WASF3: variants seen among roughly 807,000 people sequenced by gnomAD.
WASF3 encodes the protein WASP family member 3.
In WASF3, 11 loss-of-function variants were observed where a neutral mutation model predicts 46.6. The observed-to-expected ratio is 0.24, with a 90% CI of 0.15 to 0.39. WASF3 has a LOEUF of 0.39. Among genes scored for constraint, WASF3 ranks in the 10% least tolerant of loss-of-function variants. The probability of loss-of-function intolerance (pLI) is 1.00; values close to 1 mark genes in which losing one functional copy is unlikely to be tolerated. For synonymous variants in WASF3, 242 were observed against 259.7 expected (o/e 0.93, Z 0.65); for missense variants, 576 against 669.8 (o/e 0.86, Z 1.55).
In WASF3 at chr13:26,682,703, C is replaced by T. The variant is rs748375542; in HGVS notation, c.1080C>T (p.Val360=). 1 of 1,614,130 alleles carries T rather than the reference C, an allele frequency of 6.2e-7. No individual in the cohort carries two copies. The highest frequency in any genetic ancestry group is 1.1e-5 in the South Asian group (1 of 91,086). ...PVIPSAQTAF[V]SPLQMPMQPP... Reference sequence around the variant, plus strand: ...TTCCCTCAGCACAAACTGCCTTCGTCAGCCCTCTCCAGATGCCCATGCAGC... The same window carrying T: ...TTCCCTCAGCACAAACTGCCTTCGTTAGCCCTCTCCAGATGCCCATGCAGC... The change falls in exon 9 of 10, where the codon GTC becomes GTT. Residue 360 remains valine, a synonymous_variant. Coordinates refer to ENST00000335327, the MANE Select transcript of WASF3 (RefSeq NM_006646.6). This position sits in a 1 kb window ranked among gnomAD's most constrained non-coding sequence, Gnocchi z 4.4.
At position 26,676,691 on chromosome 13, in the gene WASF3, C is replaced by A. The variant is rs371051370; in HGVS notation, c.683C>A (p.Ala228Glu). 6.2e-7 allele frequency: 1 copy of A among 1,614,004 alleles called. No homozygotes were observed. The highest frequency in any genetic ancestry group is 8.5e-7 in the Non-Finnish European group (1 of 1,179,948). Reference sequence around the variant, plus strand: ...TTGTCTCAGAGTGTGTACCATGGAGCGTCTTCCGAGGGATCCCTGTCCCCA... The same window carrying A: ...TTGTCTCAGAGTGTGTACCATGGAGAGTCTTCCGAGGGATCCCTGTCCCCA... ...NRLSQSVYHG[A>E]SSEGSLSPDT... The change falls in exon 7 of 10, where the codon GCG becomes GAG. Residue 228 changes from alanine (A) to glutamate (E), a missense_variant. Around this residue, in one of 3 missense-constraint regions of WASF3, gnomAD observed 295 missense variants for 291.5 expected, o/e 1.01. Coordinates refer to ENST00000335327, the MANE Select transcript of WASF3 (RefSeq NM_006646.6).
At chr13:26,680,461 G>GT (rs1883193143) in intron 7 of WASF3, among the ~76,000 whole-genome samples, 1 of 152,148 alleles carries the variant, frequency 6.6e-6, no homozygotes, top group African/African-American at 2.4e-5. Context: ...TCCTTTCGGA[G>GT]TTTCACACCC....
intron 2 of WASF3, among the ~76,000 whole-genome samples, chr13:26,616,455 T>G (rs1194329624): frequency 2.6e-5 from 4 of 152,222 alleles, no homozygotes; most frequent in African/African-American, 9.6e-5. Context: ...AGAAATTGGG[T>G]ACTTTATTAT....
intron 3 of WASF3, among the ~76,000 whole-genome samples, chr13:26,643,183 T>A (rs1375667901): frequency 6.6e-6 from 1 of 152,220 alleles, no homozygotes; most frequent in Non-Finnish European, 1.5e-5. Context: ...TATTTTCTGA[T>A]CTTGTTTTCT....
At chr13:26,596,298 T>C (rs1880458879) in intron 1 of WASF3, among the ~76,000 whole-genome samples, 1 of 145,500 alleles carries the variant, frequency 6.9e-6, no homozygotes, top group African/African-American at 2.7e-5. Flanking sequence ...GAAATGTTTA[T>C]TTTTTTTTTG....
chr13:26,633,424 A>G lies in WASF3; in HGVS notation c.-10-8837A>G, dbSNP rs908500550. ...TCTCCATGTTGGTCAGGCTGTTCTC[A>G]AACTCCTGACCTCAGGTGATCTGCC... On this transcript the variant is annotated intron_variant, in intron 2 of 9. Coordinates refer to ENST00000335327, the MANE Select transcript of WASF3 (RefSeq NM_006646.6). 1.3e-3 allele frequency among the ~76,000 whole-genome samples: 197 copies of G among 152,004 alleles called. 2 individuals are homozygous for G. The highest frequency in any genetic ancestry group is 4.5e-3 in the African/African-American group (187 of 41,496).
At chr13:26,561,137 C>T (rs1879282134) in intron 1 of WASF3, among the ~76,000 whole-genome samples, 1 of 151,842 alleles carries the variant, frequency 6.6e-6, no homozygotes, top group Non-Finnish European at 1.5e-5. Context: ...GGGACTGTGC[C>T]TTGTGGGGTC....
chr13:26,596,017 T>C (rs1218693960), intron 1 of WASF3, among the ~76,000 whole-genome samples: 1 of 152,232 alleles, frequency 6.6e-6, no homozygotes, highest in African/African-American at 2.4e-5. Flanking sequence ...ATGTGATTAT[T>C]GGAAAGTGAA....
At chr13:26,627,279 T>A (rs112315355) in intron 2 of WASF3, among the ~76,000 whole-genome samples, 1 of 148,060 alleles carries the variant, frequency 6.8e-6, no homozygotes, top group Non-Finnish European at 1.5e-5. Flanking sequence ...CTTTTTTTTT[T>A]ATTTTCATGT....
intron 1 of WASF3, among the ~76,000 whole-genome samples, chr13:26,570,383 C>T (rs1298687109): frequency 3.9e-5 from 6 of 152,130 alleles, no homozygotes; most frequent in South Asian, 4.2e-4. Context: ...CTACAAAAAC[C>T]GTAGTTTCAG....
Position 26,682,457 on chromosome 13 carries a change from C to G in WASF3, c.984-150C>G. The stretch of plus-strand genomic sequence containing the variant: ...TGTCAAACTGTGAAAATAACTGACC[C>G]AAGGTGTGCATGTTTGCATCCTGCC... On this transcript the variant is annotated intron_variant, in intron 8 of 9. Transcript: ENST00000335327. This position sits in a 1 kb window ranked among gnomAD's most constrained non-coding sequence, Gnocchi z 4.4. 1 of 866,814 alleles carries G rather than the reference C, an allele frequency of 1.2e-6. No homozygotes were observed. Among genetic ancestry groups the G allele is most frequent in the South Asian group, 1.6e-5 (1 of 64,140 alleles). 53.7% of individuals were successfully genotyped at this position (866,814 alleles called of 1,614,324 possible).
chr13:26,622,231 T>C (rs1355147852), intron 2 of WASF3, among the ~76,000 whole-genome samples: 3 of 152,362 alleles, frequency 2.0e-5, no homozygotes, highest in Middle Eastern at 6.8e-3. Context: ...TGTCAGGTTC[T>C]GCAAACTGGT....
At chr13:26,647,057 A>C (rs965306740) in intron 3 of WASF3, among the ~76,000 whole-genome samples, 1 of 152,182 alleles carries the variant, frequency 6.6e-6, no homozygotes, top group African/African-American at 2.4e-5. Flanking sequence ...CAAATCAGAC[A>C]CTTCACTTCA....
intron 8 of WASF3, 33 bp downstream of exon 8, chr13:26,681,353 C>CGATGCATG: frequency 6.6e-7 from 1 of 1,517,630 alleles, no homozygotes. Context: ...CTAATCCCTC[C>CGATGCATG]TGGCCTTGCA....
the WASF3 span, among the ~76,000 whole-genome samples, chr13:26,541,496 A>T: frequency 6.6e-6 from 1 of 152,210 alleles, no homozygotes; most frequent in South Asian, 2.1e-4. Context: ...CAAGCACTTA[A>T]GTGGTGCCTG....
chr13:26,601,177 G>A (rs1880631524), intron 1 of WASF3, among the ~76,000 whole-genome samples: 1 of 152,180 alleles, frequency 6.6e-6, no homozygotes, highest in African/African-American at 2.4e-5. Context: ...TAATCTCTGT[G>A]TATTTGGTAT....
chr13:26,657,222 G>A (rs1882492173), intron 3 of WASF3, among the ~76,000 whole-genome samples: 1 of 152,206 alleles, frequency 6.6e-6, no homozygotes, highest in Non-Finnish European at 1.5e-5. Context: ...GCAGCCCTCT[G>A]GAAGAATGCC....
intron 6 of WASF3, among the ~76,000 whole-genome samples, chr13:26,675,244 C>T (rs1392008275): frequency 6.6e-6 from 1 of 152,092 alleles, no homozygotes; most frequent in African/African-American, 2.4e-5. Flanking sequence ...GGATAAAGGC[C>T]TCTAAGGTCT....
At chr13:26,562,397 G>A (rs1351125458) in intron 1 of WASF3, among the ~76,000 whole-genome samples, 1 of 152,162 alleles carries the variant, frequency 6.6e-6, no homozygotes, top group South Asian at 2.1e-4. Flanking sequence ...AGGGATGGGA[G>A]GGGGAGGCCA....
Sources: gnomAD v4.1 joint callset for allele counts (sites outside exome capture counted in the v4.1 genomes callset) on GRCh38, gnomAD v4.1.1 for gene constraint, gnomAD v4.1.1 regional missense constraint, Gnocchi (gnomAD v3.1) non-coding constraint, MANE v1.5 for transcripts, NCBI Gene and HGNC (gene_info 2026-07-23, HGNC 2026-07-21) for gene names.